PPFIBP2: variants seen among roughly 807,000 people sequenced by gnomAD.
The protein encoded by PPFIBP2 is PPFIB scaffold protein 2, also known as liprin-beta-2.
In PPFIBP2, 118 loss-of-function variants were observed where a neutral mutation model predicts 118.3. The ratio of observed to expected loss-of-function variants is 1.00; its 90% CI spans 0.86 to 1.16. The LOEUF (loss-of-function observed/expected upper bound fraction) is 1.16, where lower values mean the gene tolerates loss of function less well. Among genes scored for constraint, PPFIBP2 ranks in the 50% most tolerant of loss-of-function variants. The pLI, the probability that PPFIBP2 is intolerant of heterozygous loss-of-function variation, is 0.00. For synonymous variants in PPFIBP2, 414 were observed against 397.4 expected, an observed-to-expected ratio of 1.04 and a Z score of -0.50; for missense variants, 1,195 against 1,073.1, an observed-to-expected ratio of 1.11 and a Z score of -1.59.
intron 3 of PPFIBP2, among the ~76,000 whole-genome samples, chr11:7,591,221 C>T (rs143053749): frequency 7.7e-4 from 117 of 152,098 alleles, no homozygotes; most frequent in African/African-American, 2.8e-3. Flanking sequence ...ATAGTTGGTA[C>T]AGTGGCTTGC....
At chr11:7,620,223 G>A (rs11041483) in intron 6 of PPFIBP2, among the ~76,000 whole-genome samples, 8,676 of 152,150 alleles carry the variant, frequency 0.057, 501 homozygotes, top group African/African-American at 0.15. Flanking sequence ...CTCATCATGT[G>A]TATTCTCATC....
chr11:7,516,819 G>A (rs572898831), intron 1 of PPFIBP2, among the ~76,000 whole-genome samples: 19 of 152,202 alleles, frequency 1.2e-4, no homozygotes, highest in Admixed American at 7.8e-4. Flanking sequence ...CACTGCTGGC[G>A]CAACTGGCCT....
chr11:7,651,101 C>G lies in PPFIBP2; in HGVS notation c.2247+136C>G, dbSNP rs1853931539. On this transcript the variant is annotated intron_variant, in intron 22 of 23. Coordinates refer to ENST00000299492, the MANE Select transcript of PPFIBP2 (RefSeq NM_003621.5). ...CTGGAGGTCTTGCATAATTTGATGT[C>G]TCAAAGTATTTTGATAACTTGTCCT... 3.3e-6 allele frequency: 3 copies of G among 921,128 alleles called. No homozygotes were observed. In the South Asian group the frequency reaches 5.9e-5, roughly 18 times the overall value. The allele number at this position is 921,128 out of a possible 1,614,324, so 57.1% of individuals were successfully genotyped here.
intron 1 of PPFIBP2, among the ~76,000 whole-genome samples, chr11:7,520,206 C>A (rs1849620916): frequency 6.6e-6 from 1 of 152,208 alleles, no homozygotes; most frequent in African/African-American, 2.4e-5. Context: ...CAAATGAGGA[C>A]AGGGCAGGGG....
At chr11:7,608,514 C>G (rs958628036) in intron 5 of PPFIBP2, among the ~76,000 whole-genome samples, 24 of 152,180 alleles carry the variant, frequency 1.6e-4, no homozygotes, top group African/African-American at 5.3e-4. Flanking sequence ...GTGGCATGCG[C>G]CTGTAATCCC....
chr11:7,593,197 A>G lies in PPFIBP2; in HGVS notation c.345A>G (p.Glu115=). The G allele has an allele frequency of 6.2e-7, 1 of 1,613,990 alleles. No homozygotes were observed. Among genetic ancestry groups the G allele is most frequent in the Non-Finnish European group, 8.5e-7 (1 of 1,179,926 alleles). The change falls in exon 4 of 24, where the codon GAA becomes GAG. Residue 115 remains glutamate (E), a synonymous_variant. Coordinates refer to ENST00000299492, the MANE Select transcript of PPFIBP2 (RefSeq NM_003621.5). ...ACCAGGAACGCTTGGCACGTCTAGA[A>G]GGGGATAAGGAGTCCCTCATATTGC... The part of the protein sequence containing the change: ...ETYQERLARL[E]GDKESLILQV...
At chr11:7,537,479 T>G (rs1851329851) in intron 1 of PPFIBP2, among the ~76,000 whole-genome samples, 1 of 152,244 alleles carries the variant, frequency 6.6e-6, no homozygotes, top group South Asian at 2.1e-4. Context: ...AATGGCTGTG[T>G]GGCCAGGGCA....
At chr11:7,589,735 T>G (rs1162136835) in intron 3 of PPFIBP2, among the ~76,000 whole-genome samples, 1 of 152,200 alleles carries the variant, frequency 6.6e-6, no homozygotes, top group Non-Finnish European at 1.5e-5. Context: ...GCTGGGCAAC[T>G]GCTCTATCGC....
intron 6 of PPFIBP2, among the ~76,000 whole-genome samples, chr11:7,612,258 G>C (rs558401656): frequency 6.6e-6 from 1 of 152,186 alleles, no homozygotes. Context: ...CAGTAGCTCC[G>C]GAATGATATC....
intron 14 of PPFIBP2, among the ~76,000 whole-genome samples, chr11:7,636,891 CCA>C (rs1266634518): frequency 1.3e-5 from 2 of 152,226 alleles, no homozygotes; most frequent in Non-Finnish European, 2.9e-5. Context: ...CAGAACCGCT[CCA>C]CAGTCATCTT....
rs775413248 is a variant in PPFIBP2, at chr11:7,625,928, G to C, written c.826+37G>C. On this transcript the variant is annotated intron_variant, in intron 8 of 23. Coordinates refer to ENST00000299492, the MANE Select transcript of PPFIBP2 (RefSeq NM_003621.5). Reference sequence around the variant, plus strand: ...GACTCTGACAAAATGCAGTTGTCTGGGTCCCTGGGTCTACTCTTATAAGTG... The same window carrying C: ...GACTCTGACAAAATGCAGTTGTCTGCGTCCCTGGGTCTACTCTTATAAGTG... The C allele has an allele frequency of 5.9e-6, 9 of 1,523,946 alleles. No individual in the cohort carries two copies. In the Admixed American group the frequency reaches 6.8e-5, roughly 12 times the overall value. 94.4% of individuals were successfully genotyped at this position (1,523,946 alleles called of 1,614,324 possible).
intron 1 of PPFIBP2, among the ~76,000 whole-genome samples, chr11:7,517,676 CA>C (rs1421688536): frequency 6.6e-6 from 1 of 152,120 alleles, no homozygotes; most frequent in African/African-American, 2.4e-5. Flanking sequence ...ATTCCCACAA[CA>C]GAGACTTAGG....
At chr11:7,534,826 C>G (rs4757999) in intron 1 of PPFIBP2, among the ~76,000 whole-genome samples, 1 of 152,080 alleles carries the variant, frequency 6.6e-6, no homozygotes, top group Admixed American at 6.5e-5. Context: ...GTGGCCACAA[C>G]GCAAATGCCT....
At chr11:7,663,796 C>T in the PPFIBP2 span, among the ~76,000 whole-genome samples, 3 of 152,184 alleles carry the variant, frequency 2.0e-5, no homozygotes, top group African/African-American at 4.8e-5. Flanking sequence ...TAGCAATCAG[C>T]GAGACTCCCT....
intron 1 of PPFIBP2, among the ~76,000 whole-genome samples, chr11:7,530,922 A>G (rs1167474628): frequency 1.3e-5 from 2 of 152,140 alleles, no homozygotes; most frequent in African/African-American, 4.8e-5. Flanking sequence ...ATTCTGAGGA[A>G]CTGTTTGGGT....
At chr11:7,652,610 C>A (rs1854209331) in intron 23 of PPFIBP2, among the ~76,000 whole-genome samples, 1 of 152,214 alleles carries the variant, frequency 6.6e-6, no homozygotes, top group Non-Finnish European at 1.5e-5. Context: ...CTGGGGCTAT[C>A]CTACGCGCCT....
chr11:7,663,522 CG>C, the PPFIBP2 span, among the ~76,000 whole-genome samples: 4 of 152,146 alleles, frequency 2.6e-5, no homozygotes, highest in Non-Finnish European at 5.9e-5. Context: ...TCTGCAGCTG[CG>C]AGCTGGGAGA....
chr11:7,555,737 T>C (rs181864143), intron 2 of PPFIBP2, among the ~76,000 whole-genome samples: 2 of 151,694 alleles, frequency 1.3e-5, no homozygotes, highest in East Asian at 3.9e-4. Context: ...CCTCATTCCA[T>C]TTTTCCCTCA....
chr11:7,591,853 G>C (rs1338371694), intron 3 of PPFIBP2, among the ~76,000 whole-genome samples: 1 of 152,222 alleles, frequency 6.6e-6, no homozygotes. Context: ...CTAGGACTGG[G>C]CATGGCTCTG....
Sources: allele counts gnomAD v4.1 joint callset (sites outside exome capture counted in the v4.1 genomes callset), GRCh38; gene constraint gnomAD v4.1.1; transcripts MANE v1.5; gene names NCBI Gene and HGNC (gene_info 2026-07-23, HGNC 2026-07-21).